ZNF462: variants seen among roughly 807,000 people sequenced by gnomAD.
ZNF462 encodes the protein zinc finger PBX1-interacting protein.
In ZNF462, 10 loss-of-function variants were observed where a neutral mutation model predicts 201.9. The ratio of observed to expected loss-of-function variants is 0.05; its 90% CI spans 0.03 to 0.08. ZNF462 has a LOEUF of 0.08. ZNF462 is among the 10% of genes least tolerant of loss of function. ZNF462 has a pLI of 1.00. For synonymous variants in ZNF462, 1,227 were observed against 1,193.3 expected, an observed-to-expected ratio of 1.03 and a Z score of -0.58; for missense variants, 2,523 against 3,168.3, an observed-to-expected ratio of 0.80 and a Z score of 4.89.
chr9:106,896,525 T>C (rs1182353396), intron 1 of ZNF462, among the ~76,000 whole-genome samples: 1 of 152,106 alleles, frequency 6.6e-6, no homozygotes, highest in Non-Finnish European at 1.5e-5. Flanking sequence ...TCCATATAGC[T>C]CCAGAAGGTA....
chr9:106,998,801 G>A (rs1050468712), intron 10 of ZNF462, among the ~76,000 whole-genome samples: 2 of 151,902 alleles, frequency 1.3e-5, no homozygotes, highest in Non-Finnish European at 2.9e-5. Flanking sequence ...TAGAGACGGG[G>A]TTTCACCATG....
intron 1 of ZNF462, among the ~76,000 whole-genome samples, chr9:106,897,073 GA>G (rs1045967140): frequency 6.6e-6 from 1 of 152,068 alleles, no homozygotes; most frequent in Non-Finnish European, 1.5e-5. Context: ...TCCAACTTGT[GA>G]AACCCACATA....
chr9:106,943,438 C>T (rs1830973113), intron 7 of ZNF462, among the ~76,000 whole-genome samples: 2 of 152,192 alleles, frequency 1.3e-5, no homozygotes, highest in Non-Finnish European at 2.9e-5. Flanking sequence ...TTCTCCATTG[C>T]ACAGTGGCTT....
At position 106,925,570 on chromosome 9, in the gene ZNF462, C is replaced by T. The variant is rs1830160175; in HGVS notation, c.1658C>T (p.Pro553Leu). ...CCACCACCACCGCCGCCGCCACCAC[C>T]ACCATCACAGCCACAGCCACTGCAG... ...PQPPPPPPPPPPSQPQPLQQP... is the reference protein window; with the variant it reads ...PQPPPPPPPPLPSQPQPLQQP... The change falls in exon 3 of 13, where the codon CCA (proline) becomes CTA (leucine). Residue 553 changes from proline to leucine, a missense_variant. Pro to Leu is a moderately conservative substitution (Grantham distance 98). Around this residue, in one of 15 missense-constraint regions of ZNF462, gnomAD observed 383 missense variants for 453.4 expected, o/e 0.84. Coordinates refer to ENST00000277225, the MANE Select transcript of ZNF462 (RefSeq NM_021224.6). This position sits in a 1 kb window ranked among gnomAD's most constrained non-coding sequence, Gnocchi z 7.9. 3.1e-6 allele frequency: 5 copies of T among 1,612,800 alleles called. No homozygotes were observed. The highest frequency in any genetic ancestry group is 4.2e-6 in the Non-Finnish European group (5 of 1,179,374).
rs1385116936 is a variant in ZNF462 at position 106,927,397 on chromosome 9, G to A, written c.3485G>A (p.Gly1162Glu). The change falls in exon 3 of 13, where the codon GGG becomes GAG. Residue 1162 changes from glycine (G) to glutamate (E), a missense_variant. Gly to Glu is a moderately conservative substitution (Grantham distance 98, BLOSUM62 -2). This residue lies in a region of ZNF462 where 222 missense variants were observed against 271.6 expected (regional missense o/e 0.82). Coordinates refer to ENST00000277225, the MANE Select transcript of ZNF462 (RefSeq NM_021224.6). ...PTAAMMRGVE[G>E]PQGSPRPPAP... The stretch of plus-strand genomic sequence containing the variant: ...GCTGCAATGATGAGAGGGGTCGAAG[G>A]GCCCCAAGGCTCCCCCCGGCCACCC... 1 of 1,613,820 alleles carries A rather than the reference G, an allele frequency of 6.2e-7. No homozygotes were observed.
At position 107,006,957 on chromosome 9, in the gene ZNF462, T is replaced by C. The variant is rs1829591739; in HGVS notation, c.7190-2588T>C. Among the ~76,000 whole-genome samples the C allele has an allele frequency of 6.6e-6, 1 of 152,048 alleles. No homozygotes were observed. The highest frequency in any genetic ancestry group is 2.4e-5 in the African/African-American group (1 of 41,330). ...TGTGATCGGAGAAGCATGGCTTCTT[T>C]CTTTTTTCTTTTTCAAACCATTTCA... On this transcript the variant is annotated intron_variant, in intron 11 of 12. Transcript: ENST00000277225. This position sits in a 1 kb window ranked among gnomAD's most constrained non-coding sequence, Gnocchi z 4.3.
intron 9 of ZNF462, chr9:106,975,062 C>G (rs1304097486): frequency 3.9e-5 from 6 of 152,192 alleles, no homozygotes; most frequent in African/African-American, 1.4e-4. Flanking sequence ...AACAGCCTTC[C>G]TCTGCATTGG....
At position 107,010,277 on chromosome 9, in the gene ZNF462, A is replaced by G. The variant is rs1229784820; in HGVS notation, c.7314-546A>G. 6.6e-6 allele frequency among the ~76,000 whole-genome samples: 1 copy of G among 152,150 alleles called. No homozygotes were observed. Among genetic ancestry groups the G allele is most frequent in the East Asian group, 1.9e-4 (1 of 5,184 alleles). ...AGGAAGCCTGAAGCTTGGTCCCTGA[A>G]GCCTCAAGGGTCTAGACCTCAGAGA... is the stretch of plus-strand genomic sequence containing the variant. On this transcript the variant is annotated intron_variant, in intron 12 of 12. Transcript: ENST00000277225. The surrounding 1 kb of genome is among the most constrained non-coding windows in gnomAD (Gnocchi z 4.6).
chr9:106,935,655 AGCACT>A lies in ZNF462; in HGVS notation c.6235+35_6235+39del. On this transcript the variant is annotated intron_variant, in intron 6 of 12. Coordinates refer to ENST00000277225, the MANE Select transcript of ZNF462 (RefSeq NM_021224.6). This position sits in a 1 kb window ranked among gnomAD's most constrained non-coding sequence, Gnocchi z 4.1. ...TGCATTGATGATGCACAAGTTCTTT[AGCACT>A]CTCTGAGTTTGAAACCTGATGATCT... The A allele has an allele frequency of 6.4e-7, 1 of 1,557,396 alleles. No homozygotes were observed. The highest frequency in any genetic ancestry group is 8.9e-7 in the Non-Finnish European group (1 of 1,128,958).
rs150783033 is a variant in ZNF462 at position 107,011,321 on chromosome 9, C to T, written c.*291C>T. 1.1e-4 allele frequency: 40 copies of T among 365,624 alleles called. No homozygotes were observed. Among genetic ancestry groups the T allele is most frequent in the Non-Finnish European group, 1.7e-4 (32 of 193,274 alleles). The allele number at this position is 365,624 out of a possible 1,614,324, so 22.6% of individuals were successfully genotyped here. A position where few individuals can be genotyped will look rare whatever the true frequency, so the allele number is the denominator to read the frequency against. ...AATATGGAAGCACCTCCCAATGGTA[C>T]GGTGCACCCTGTGGTGGTCTTGGAC... On this transcript the variant is annotated 3_prime_UTR_variant, in exon 13 of 13. Coordinates refer to ENST00000277225, the MANE Select transcript of ZNF462 (RefSeq NM_021224.6). The surrounding 1 kb of genome is among the most constrained non-coding windows in gnomAD (Gnocchi z 5.6).
chr9:106,879,333 C>CCA (rs1554693596), intron 1 of ZNF462, among the ~76,000 whole-genome samples: 1 of 30,254 alleles, frequency 3.3e-5, no homozygotes, highest in African/African-American at 2.3e-4. Context: ...ATGCTTTCCA[C>CCA]CCCCCCCCCC....
chr9:107,012,717 T>G lies in ZNF462; in HGVS notation c.*1687T>G, dbSNP rs1382758345. On this transcript the variant is annotated 3_prime_UTR_variant, in exon 13 of 13. Transcript: ENST00000277225. Reference sequence around the variant, plus strand: ...TGAATCCTTTGGTTTTCATGTTTTTTTTTTTTTTTTTTTACTTGGAAGGGT... The same window carrying G: ...TGAATCCTTTGGTTTTCATGTTTTTGTTTTTTTTTTTTTACTTGGAAGGGT... 3 of 144,158 alleles carry G rather than the reference T, an allele frequency of 2.1e-5. No homozygotes were observed. The highest frequency in any genetic ancestry group is 3.1e-5 in the Non-Finnish European group (2 of 65,402). 8.9% of individuals were successfully genotyped at this position (144,158 alleles called of 1,614,324 possible).
At chr9:107,002,834 G>C (rs1394248977) in intron 10 of ZNF462, among the ~76,000 whole-genome samples, 1 of 152,176 alleles carries the variant, frequency 6.6e-6, no homozygotes. Flanking sequence ...CTGGTTGATG[G>C]GATCGTGGCA....
At chr9:106,908,707 T>A (rs73668710) in intron 1 of ZNF462, among the ~76,000 whole-genome samples, 11,655 of 151,120 alleles carry the variant, frequency 0.077, 921 homozygotes, top group African/African-American at 0.2. Flanking sequence ...GCAATTTCCT[T>A]TGTCCTCTTC....
At chr9:106,900,381 T>C (rs749040619) in intron 1 of ZNF462, among the ~76,000 whole-genome samples, 2 of 152,130 alleles carry the variant, frequency 1.3e-5, no homozygotes, top group Non-Finnish European at 2.9e-5. Flanking sequence ...TGACTTCATT[T>C]CCTCTGGGTA....
intron 1 of ZNF462, among the ~76,000 whole-genome samples, chr9:106,912,366 T>G (rs1426564263): frequency 6.6e-6 from 1 of 152,208 alleles, no homozygotes. Flanking sequence ...ACACACTGCT[T>G]GCATGCCTAA....
At position 107,010,686 on chromosome 9, in the gene ZNF462, C is replaced by A; in HGVS notation, c.7314-137C>A. 1.3e-6 allele frequency: 1 copy of A among 748,554 alleles called. No homozygotes were observed. Among genetic ancestry groups the A allele is most frequent in the Non-Finnish European group, 2.1e-6 (1 of 478,200 alleles). The allele number at this position is 748,554 out of a possible 1,614,324, so 46.4% of individuals were successfully genotyped here. ...TTGGTATTTTGTCATACACCCATGG[C>A]ATTTGTTCAAAGGAAACCCCAAGGC... is the stretch of plus-strand genomic sequence containing the variant. On this transcript the variant is annotated intron_variant, in intron 12 of 12. Coordinates refer to ENST00000277225, the MANE Select transcript of ZNF462 (RefSeq NM_021224.6). This position sits in a 1 kb window ranked among gnomAD's most constrained non-coding sequence, Gnocchi z 4.6.
At chr9:106,918,850 A>G (rs1401639971) in intron 1 of ZNF462, among the ~76,000 whole-genome samples, 1 of 152,356 alleles carries the variant, frequency 6.6e-6, no homozygotes, top group Middle Eastern at 3.4e-3. Context: ...TCCATTCATA[A>G]GAAAGAAAAC....
intron 10 of ZNF462, among the ~76,000 whole-genome samples, chr9:106,989,634 A>G (rs73524928): frequency 0.01 from 1,572 of 152,050 alleles, 28 homozygotes; most frequent in African/African-American, 0.035. Flanking sequence ...TTGAGTACCA[A>G]TTCTGGTAGA....
Sources: allele counts gnomAD v4.1 joint callset (sites outside exome capture counted in the v4.1 genomes callset), GRCh38; gene constraint gnomAD v4.1.1; regional missense constraint gnomAD v4.1.1; non-coding constraint Gnocchi (gnomAD v3.1); transcripts MANE v1.5; gene names NCBI Gene and HGNC (gene_info 2026-07-23, HGNC 2026-07-21).